The following SLCO2A1 variants were observed in gnomAD, a reference collection of about 807,000 sequenced individuals.
SLCO2A1 encodes the protein solute carrier organic anion transporter family member 2A1, also known as matrin F/G 1.
In SLCO2A1, 60 loss-of-function variants were observed where a neutral mutation model predicts 71.7. The ratio of observed to expected loss-of-function variants is 0.84; its 90% CI spans 0.68 to 1.04. The LOEUF is 1.04. Ranked by LOEUF, SLCO2A1 falls within the 50% of genes least tolerant of loss-of-function variation. The pLI is 0.00. For missense variants in SLCO2A1, 745 were observed against 813.4 expected, an observed-to-expected ratio of 0.92 and a Z score of 1.02; for synonymous variants, 308 against 326.7, an observed-to-expected ratio of 0.94 and a Z score of 0.62.
chr3:133,956,051 G>T (rs7340717), intron 3 of SLCO2A1, among the ~76,000 whole-genome samples: 54,297 of 151,930 alleles, frequency 0.36, 9,879 homozygotes, highest in Admixed American at 0.36. Context: ...ATCAGCATTG[G>T]CAGCTCTCCA....
At chr3:133,950,046 G>A (rs1933699468) in intron 6 of SLCO2A1, among the ~76,000 whole-genome samples, 1 of 151,912 alleles carries the variant, frequency 6.6e-6, no homozygotes, top group Admixed American at 6.6e-5. Flanking sequence ...TGTTGCCCAG[G>A]GTGGTCTTGA....
intron 1 of SLCO2A1, among the ~76,000 whole-genome samples, chr3:133,981,974 C>CAAAAAAAAAAAAAAAA (rs34863339): frequency 1.8e-5 from 2 of 109,814 alleles, no homozygotes; most frequent in East Asian, 2.4e-4. Flanking sequence ...GACTCCGTCT[C>CAAAAAAAAAAAAAAAA]AAAAAAAAAA....
chr3:133,992,689 G>A (rs1378197290), intron 1 of SLCO2A1, among the ~76,000 whole-genome samples: 1 of 152,222 alleles, frequency 6.6e-6, no homozygotes. Context: ...ACAGTTGGAT[G>A]TTGGAGAGAA....
At chr3:134,004,671 C>CA (rs1340610320) in intron 1 of SLCO2A1, among the ~76,000 whole-genome samples, 4 of 151,710 alleles carry the variant, frequency 2.6e-5, no homozygotes, top group South Asian at 4.2e-4. Context: ...GGGTCCAAAA[C>CA]AAAAAAAGGT....
intron 1 of SLCO2A1, among the ~76,000 whole-genome samples, chr3:134,023,201 C>T (rs1935627464): frequency 6.6e-6 from 1 of 151,652 alleles, no homozygotes; most frequent in Non-Finnish European, 1.5e-5. Flanking sequence ...CCACCCCCTC[C>T]AGAATTGTGG....
At chr3:134,008,657 G>A (rs1207925733) in intron 1 of SLCO2A1, among the ~76,000 whole-genome samples, 1 of 152,038 alleles carries the variant, frequency 6.6e-6, no homozygotes, top group Non-Finnish European at 1.5e-5. Context: ...TTCCTACATG[G>A]CAAGGAGCCA....
chr3:133,951,582 C>A (rs562738675), intron 5 of SLCO2A1, among the ~76,000 whole-genome samples: 3 of 152,270 alleles, frequency 2.0e-5, no homozygotes, highest in African/African-American at 7.2e-5. Context: ...CAGGAGGGAG[C>A]AGTACCTTCA....
At chr3:134,008,924 T>G (rs1052932294) in intron 1 of SLCO2A1, among the ~76,000 whole-genome samples, 1 of 152,192 alleles carries the variant, frequency 6.6e-6, no homozygotes, top group Admixed American at 6.5e-5. Context: ...AAAAATGCAG[T>G]GGGAACAGTG....
chr3:134,023,097 C>G (rs1935623149), intron 1 of SLCO2A1, among the ~76,000 whole-genome samples: 1 of 151,488 alleles, frequency 6.6e-6, no homozygotes, highest in African/African-American at 2.4e-5. Flanking sequence ...TGCTGCTAAC[C>G]AACAAGACTG....
At chr3:134,005,254 T>C (rs1474645663) in intron 1 of SLCO2A1, among the ~76,000 whole-genome samples, 1 of 152,220 alleles carries the variant, frequency 6.6e-6, no homozygotes, top group Non-Finnish European at 1.5e-5. Flanking sequence ...CTTTAAACAC[T>C]CTTATTTTAA....
intron 13 of SLCO2A1, among the ~76,000 whole-genome samples, chr3:133,935,081 G>A (rs1933235644): frequency 6.6e-6 from 1 of 152,124 alleles, no homozygotes; most frequent in Admixed American, 6.5e-5. Flanking sequence ...TTTCCAGAGG[G>A]CCAGAGGTGA....
At position 134,021,070 on chromosome 3, in the gene SLCO2A1, CTTTGGT is replaced by C. The variant is rs372187218; in HGVS notation, c.96+8631_96+8636del. 1.3e-3 allele frequency among the ~76,000 whole-genome samples: 197 copies of C among 152,306 alleles called. 1 individual carries two copies. Among genetic ancestry groups the C allele is most frequent in the African/African-American group, 4.4e-3 (181 of 41,566 alleles). On this transcript the variant is annotated intron_variant, in intron 1 of 13. Transcript: ENST00000310926. ...TTGACTTGACTTGGATTGCTTGATA[CTTTGGT>C]TTTGGTTTTGACCTGGCTTGGATTT...
At chr3:133,946,560 C>CT (rs1933583431) in intron 9 of SLCO2A1, among the ~76,000 whole-genome samples, 1 of 152,226 alleles carries the variant, frequency 6.6e-6, no homozygotes. Flanking sequence ...TTCAAGTCTC[C>CT]TTTCATCTCT....
At chr3:134,017,525 G>A (rs1935479806) in intron 1 of SLCO2A1, among the ~76,000 whole-genome samples, 1 of 152,170 alleles carries the variant, frequency 6.6e-6, no homozygotes, top group South Asian at 2.1e-4. Context: ...CCAAGCACAT[G>A]TTAGTGAACT....
chr3:133,970,066 C>G (rs1934288803), intron 3 of SLCO2A1, among the ~76,000 whole-genome samples: 1 of 152,192 alleles, frequency 6.6e-6, no homozygotes, highest in African/African-American at 2.4e-5. Flanking sequence ...GGCCATCCAG[C>G]CCATAAGCTG....
chr3:133,945,611 C>T (rs1476039294), intron 9 of SLCO2A1, among the ~76,000 whole-genome samples: 3 of 152,128 alleles, frequency 2.0e-5, no homozygotes, highest in African/African-American at 7.2e-5. Context: ...ATTCGCCTTC[C>T]CTCTTCTTCA....
intron 1 of SLCO2A1, among the ~76,000 whole-genome samples, chr3:134,003,635 T>C (rs1935146119): frequency 6.6e-6 from 1 of 152,236 alleles, no homozygotes; most frequent in African/African-American, 2.4e-5. Flanking sequence ...ATGCTCACCA[T>C]TCCTGGAGCC....
At chr3:133,998,180 T>A (rs763266923) in intron 1 of SLCO2A1, among the ~76,000 whole-genome samples, 5 of 152,182 alleles carry the variant, frequency 3.3e-5, no homozygotes, top group Non-Finnish European at 7.3e-5. Flanking sequence ...CATTTCATCT[T>A]TCCTAGGCCC....
chr3:133,971,190 T>C (rs1323441655), intron 3 of SLCO2A1, among the ~76,000 whole-genome samples: 1 of 152,216 alleles, frequency 6.6e-6, no homozygotes, highest in Non-Finnish European at 1.5e-5. Flanking sequence ...AGTCTTCACG[T>C]GACGAGAAAG....
Sources: allele counts gnomAD v4.1 joint callset (sites outside exome capture counted in the v4.1 genomes callset), GRCh38; gene constraint gnomAD v4.1.1; transcripts MANE v1.5; gene names NCBI Gene and HGNC (gene_info 2026-07-23, HGNC 2026-07-21).